SLC5A6: variants seen among roughly 807,000 people sequenced by gnomAD.
SLC5A6 encodes the protein solute carrier family 5 member 6.
Under a neutral mutation model 67.9 loss-of-function variants are expected in SLC5A6, and 31 were observed. That is an observed-to-expected ratio of 0.46 (90% CI 0.34 to 0.62). The LOEUF (loss-of-function observed/expected upper bound fraction) is 0.62, where lower values mean the gene tolerates loss of function less well. Ranked by LOEUF, SLC5A6 falls within the 20% of genes least tolerant of loss-of-function variation. SLC5A6 has a pLI of 0.01. For missense variants in SLC5A6, 673 were observed against 812.8 expected, an observed-to-expected ratio of 0.83 and a Z score of 2.09; for synonymous variants, 343 against 331.0, an observed-to-expected ratio of 1.04 and a Z score of -0.39.
Position 27,200,618 on chromosome 2 carries a change from C to T in SLC5A6, c.1765-39G>A, listed in dbSNP as rs556726266. The T allele has an allele frequency of 2.3e-4, 358 of 1,585,062 alleles. 5 individuals are homozygous for T. The South Asian group carries it at 3.8e-3, about 17-fold the overall frequency. ...GCCAAAGGGGTGGAACTGGTGAAGACGGATGACGGGTGCTTGACAGGATTC... is the reference window on the plus strand; with the variant it reads ...GCCAAAGGGGTGGAACTGGTGAAGATGGATGACGGGTGCTTGACAGGATTC... On this transcript the variant is annotated intron_variant, in intron 16 of 16. Coordinates refer to ENST00000310574, the MANE Select transcript of SLC5A6 (RefSeq NM_021095.4).
At chr2:27,209,003 T>C (rs1165440551) in intron 2 of SLC5A6, among the ~76,000 whole-genome samples, 1 of 152,200 alleles carries the variant, frequency 6.6e-6, no homozygotes, top group African/African-American at 2.4e-5. Context: ...CCCCCAAGAA[T>C]ACACCACAAT....
At chr2:27,201,482 G>T in intron 14 of SLC5A6, 29 bp from the exon 15 acceptor site, 1 of 1,506,338 alleles carries the variant, frequency 6.6e-7, no homozygotes, top group Non-Finnish European at 9.2e-7. Flanking sequence ...AGAACAATTA[G>T]CAATTCGTTG....
rs1673470207 is a variant in SLC5A6 at position 27,199,620 on chromosome 2, A to C, written c.*816T>G. On this transcript the variant is annotated 3_prime_UTR_variant, in exon 17 of 17. Coordinates refer to ENST00000310574, the MANE Select transcript of SLC5A6 (RefSeq NM_021095.4). Reference sequence around the variant, plus strand: ...CCAATGGTAGTTTTTATTCCCCAGGAACAAAGATAATGTGGAGAAGAAACT... The same window carrying C: ...CCAATGGTAGTTTTTATTCCCCAGGCACAAAGATAATGTGGAGAAGAAACT... 1 of 152,404 alleles carries C rather than the reference A, an allele frequency of 6.6e-6. No individual in the cohort carries two copies. Among genetic ancestry groups the C allele is most frequent in the South Asian group, 2.1e-4 (1 of 4,830 alleles). The allele number at this position is 152,404 out of a possible 1,614,324, so 9.4% of individuals were successfully genotyped here. A position where few individuals can be genotyped will look rare whatever the true frequency, so the allele number is the denominator to read the frequency against.
intron 11 of SLC5A6, 140 bp downstream of exon 11, chr2:27,203,093 G>A (rs1276057632): frequency 1.3e-6 from 2 of 1,506,610 alleles, no homozygotes; most frequent in Admixed American, 4.7e-5. Flanking sequence ...AAACAACCAT[G>A]CATGCAGGGA....
chr2:27,211,323 G>A (rs1003473772), intron 2 of SLC5A6, 144 bp downstream of exon 2: 1 of 152,236 alleles, frequency 6.6e-6, no homozygotes, highest in African/African-American at 2.4e-5. Flanking sequence ...AGCCTGGCTC[G>A]GCTACTCGAG....
chr2:27,212,752 AAT>A, upstream of SLC5A6: 3 of 918,176 alleles, frequency 3.3e-6, no homozygotes, highest in Non-Finnish European at 4.5e-6. Flanking sequence ...CCTCTTGTGT[AAT>A]CTCTCTACGC....
chr2:27,207,227 C>G lies in SLC5A6; in HGVS notation c.393+31G>C. On this transcript the variant is annotated intron_variant, in intron 3 of 16. Transcript: ENST00000310574. The surrounding 1 kb of genome is among the most constrained non-coding windows in gnomAD (Gnocchi z 5.5). ...CCTCCTCTCCACCCCAACCCGTGTC[C>G]CACGCACTTCTCCCTTCTGTCCCTG... 6.2e-7 allele frequency: 1 copy of G among 1,606,914 alleles called. No homozygotes were observed. Among genetic ancestry groups the G allele is most frequent in the Non-Finnish European group, 8.5e-7 (1 of 1,175,220 alleles).
At position 27,203,611 on chromosome 2, in the gene SLC5A6, G is replaced by A. The variant is rs529928045; in HGVS notation, c.1094+168C>T. On this transcript the variant is annotated intron_variant, in intron 10 of 16. Coordinates refer to ENST00000310574, the MANE Select transcript of SLC5A6 (RefSeq NM_021095.4). ...ACCAAAACAGGGGTATCTCTGTTGTGCTGTGGCCTACAAAGATGAGCTATC... is the reference window on the plus strand; with the variant it reads ...ACCAAAACAGGGGTATCTCTGTTGTACTGTGGCCTACAAAGATGAGCTATC... Among the ~76,000 whole-genome samples the A allele has an allele frequency of 3.3e-5, 5 of 152,330 alleles. No individual in the cohort carries two copies. In the South Asian group the frequency reaches 1.0e-3, roughly 32 times the overall value.
In SLC5A6 at chr2:27,207,493, C is replaced by T. The variant is rs376846645; in HGVS notation, c.158G>A (p.Arg53Gln). ...CATCAGCAGCTCACCAACAGTATGC[C>T]GGCCCCAGCCACGACAAGCATGGTA... Reference protein sequence around the residue: ...GLYHACRGWGRHTVGELLMAD... With the variant: ...GLYHACRGWGQHTVGELLMAD... The change falls in exon 3 of 17, where the codon CGG becomes CAG. Residue 53 changes from arginine (R) to glutamine (Q), a missense_variant. Transcript: ENST00000310574. This position sits in a 1 kb window ranked among gnomAD's most constrained non-coding sequence, Gnocchi z 5.5. 1.9e-4 allele frequency: 314 copies of T among 1,614,062 alleles called. No homozygotes were observed. The highest frequency in any genetic ancestry group is 2.5e-4 in the Non-Finnish European group (297 of 1,180,050).
In SLC5A6 at chr2:27,204,949, C is replaced by G. The variant is rs548287030; in HGVS notation, c.735-18G>C. ...GATCCAGCCTGTAACAGACACCACCCAGTCATTGTGCAAAGCCTGAGAGAC... is the reference window on the plus strand; with the variant it reads ...GATCCAGCCTGTAACAGACACCACCGAGTCATTGTGCAAAGCCTGAGAGAC... On this transcript the variant is annotated intron_variant, in intron 7 of 16. Transcript: ENST00000310574. The G allele has an allele frequency of 6.2e-7, 1 of 1,610,816 alleles. No homozygotes were observed. Among genetic ancestry groups the G allele is most frequent in the South Asian group, 1.1e-5 (1 of 91,082 alleles).
chr2:27,201,347 TA>T lies in SLC5A6; in HGVS notation c.1648+2del. On this transcript the variant is annotated splice_donor_variant, in intron 15 of 16. Coordinates refer to ENST00000310574, the MANE Select transcript of SLC5A6 (RefSeq NM_021095.4). LOFTEE classifies it high-confidence loss of function. ...CATCTGCACCGCAATCCCACACCCT[TA>T]CCAGTGAGTAGACTGACAATCAGGC... 1.3e-6 allele frequency: 2 copies of T among 1,590,260 alleles called. No homozygotes were observed. The highest frequency in any genetic ancestry group is 1.7e-6 in the Non-Finnish European group (2 of 1,158,328).
In SLC5A6 at chr2:27,201,995, T is replaced by A; in HGVS notation, c.1355A>T (p.Asn452Ile). 2 of 1,613,566 alleles carry A rather than the reference T, an allele frequency of 1.2e-6. No individual in the cohort carries two copies. Among genetic ancestry groups the A allele is most frequent in the Non-Finnish European group, 1.7e-6 (2 of 1,179,662 alleles). ...TCCAGATGCATCACTCACAGGAGGG[T>A]TAGCACATGGAAAGAACATTCCAAG... ...FCLGMFFPCA[N>I]PPGAVVGLLA... Residue 452 changes from asparagine to isoleucine, a missense_variant, in exon 13 of 17, where the codon AAC (asparagine) becomes ATC (isoleucine). Physicochemically the swap from Asn to Ile is moderately radical, Grantham distance 149. Coordinates refer to ENST00000310574, the MANE Select transcript of SLC5A6 (RefSeq NM_021095.4).
In SLC5A6 at chr2:27,205,338, G is replaced by T. The variant is rs753789252; in HGVS notation, c.734+12C>A. On this transcript the variant is annotated intron_variant, in intron 7 of 16. Transcript: ENST00000310574. ...CACTGCAGACCCCAGCCAGGAGTAG[G>T]GGTATACTTACTCAAACCCAGAGAT... is the stretch of plus-strand genomic sequence containing the variant. The T allele has an allele frequency of 8.7e-6, 14 of 1,613,558 alleles. No individual in the cohort carries two copies. The highest frequency in any genetic ancestry group is 1.2e-5 in the Non-Finnish European group (14 of 1,179,698).
intron 12 of SLC5A6, 38 bp downstream of exon 12, chr2:27,202,775 C>G: frequency 6.4e-7 from 1 of 1,559,920 alleles, no homozygotes; most frequent in Non-Finnish European, 8.8e-7. Context: ...AATTCCTTCT[C>G]TCCCTTAAAA....
upstream of SLC5A6, chr2:27,212,406 TGCCCTGGGCTGCCGCCCTGCTCCTC>T (rs780667170): frequency 5.8e-6 from 9 of 1,551,910 alleles, no homozygotes; most frequent in South Asian, 1.1e-4. Flanking sequence ...ACGACCCTGG[TGCCCTGGGCTGCCGCCCTGCTCCTC>T]GCTCTGGGCG....
Position 27,203,278 on chromosome 2 carries a change from G to A in SLC5A6, c.1162C>T (p.Pro388Ser). Reference protein sequence around the residue: ...TMEDLIRPWFPEFSEARAIML... With the variant: ...TMEDLIRPWFSEFSEARAIML... ...ATGGCCCGGGCTTCAGAGAACTCAG[G>A]GAACCAAGGTCGAATCAGGTCTTCC... The change falls in exon 11 of 17, where the codon CCT becomes TCT. Residue 388 changes from proline to serine, a missense_variant. By Grantham distance (74) the Pro-to-Ser change is moderately conservative. Transcript: ENST00000310574. 2 of 1,614,130 alleles carry A rather than the reference G, an allele frequency of 1.2e-6. No homozygotes were observed. Among genetic ancestry groups the A allele is most frequent in the Non-Finnish European group, 8.5e-7 (1 of 1,180,010 alleles).
Position 27,203,861 on chromosome 2 carries a change from G to A in SLC5A6, c.1012C>T (p.Leu338=). ...TTCAGGAGATCCATCACAAAGTACAGGACGAACTGCAAGCAGAGCGGAGGT... is the reference window on the plus strand; with the variant it reads ...TTCAGGAGATCCATCACAAAGTACAAGACGAACTGCAAGCAGAGCGGAGGT... ...QAQAAPDQFV[L]YFVMDLLKGL... Residue 338 remains leucine, a synonymous_variant, in exon 10 of 17, where the codon CTG becomes TTG. Coordinates refer to ENST00000310574, the MANE Select transcript of SLC5A6 (RefSeq NM_021095.4). 1 of 1,613,662 alleles carries A rather than the reference G, an allele frequency of 6.2e-7. No homozygotes were observed. The highest frequency in any genetic ancestry group is 8.5e-7 in the Non-Finnish European group (1 of 1,179,582).
In SLC5A6 at chr2:27,205,537, G is replaced by A. The variant is rs753955658; in HGVS notation, c.580-33C>T. 7 of 1,613,216 alleles carry A rather than the reference G, an allele frequency of 4.3e-6. No homozygotes were observed. In the East Asian group the frequency reaches 1.1e-4, roughly 26 times the overall value. ...GAAAGCACAGCAAACCTGCCACAGA[G>A]GCCTTCTAAACCCAGCTTGTCCAAC... On this transcript the variant is annotated intron_variant, in intron 6 of 16. Transcript: ENST00000310574.
chr2:27,205,590 T>TGTTTC (rs1372339944), intron 6 of SLC5A6, 86 bp from the exon 7 acceptor site: 2 of 1,464,082 alleles, frequency 1.4e-6, no homozygotes, highest in Non-Finnish European at 1.9e-6. Context: ...TGCTCCATTT[T>TGTTTC]GTTTTGTTTT....
Sources: gnomAD v4.1 joint callset for allele counts (sites outside exome capture counted in the v4.1 genomes callset) on GRCh38, gnomAD v4.1.1 for gene constraint, Gnocchi (gnomAD v3.1) non-coding constraint, MANE v1.5 for transcripts, NCBI Gene and HGNC (gene_info 2026-07-23, HGNC 2026-07-21) for gene names.